Variants in KCNMB4 observed in about 807,000 individuals in gnomAD.
KCNMB4 encodes potassium calcium-activated channel subfamily M regulatory beta subunit 4.
A neutral mutation model predicts 20.7 loss-of-function variants in KCNMB4; 3 were observed. The observed-to-expected ratio is 0.14, with a 90% CI of 0.07 to 0.37. KCNMB4 has a LOEUF of 0.37. Among genes scored for constraint, KCNMB4 ranks in the 10% least tolerant of loss-of-function variants. The pLI is 1.00. For missense variants in KCNMB4, 168 were observed against 265.9 expected (o/e 0.63, Z 2.56); for synonymous variants, 110 against 113.4 (o/e 0.97, Z 0.19).
intron 1 of KCNMB4, among the ~76,000 whole-genome samples, chr12:70,387,398 ATTTTTTT>A (rs200125786): frequency 1.6e-5 from 2 of 123,988 alleles, no homozygotes; most frequent in Non-Finnish European, 3.3e-5. Context: ...AAATTTTTTA[ATTTTTTT>A]TTTTTTTTTT....
intron 2 of KCNMB4, 26 bp from the exon 3 acceptor site, chr12:70,430,459 C>G (rs767129392): frequency 2.5e-6 from 4 of 1,611,058 alleles, no homozygotes; most frequent in Admixed American, 1.7e-5. Context: ...ACTGCCCTTT[C>G]TTTCTTATTC....
At chr12:70,393,459 C>T (rs1040701245) in intron 1 of KCNMB4, among the ~76,000 whole-genome samples, 2 of 152,106 alleles carry the variant, frequency 1.3e-5, no homozygotes, top group Non-Finnish European at 1.5e-5. Flanking sequence ...CCTTGGCCCC[C>T]CAAAGTGCTG....
chr12:70,422,069 C>T (rs2136141716), intron 2 of KCNMB4, among the ~76,000 whole-genome samples: 1 of 152,108 alleles, frequency 6.6e-6, no homozygotes, highest in East Asian at 1.9e-4. Flanking sequence ...TTCATCTCTC[C>T]CATACGAATT....
rs145112378 is a variant in KCNMB4 at position 70,374,443 on chromosome 12, T to C, written c.336+7373T>C. 2.4e-3 allele frequency among the ~76,000 whole-genome samples: 364 copies of C among 152,342 alleles called. 2 individuals are homozygous for C. Among genetic ancestry groups the C allele is most frequent in the African/African-American group, 8.6e-3 (358 of 41,580 alleles). ...ACTCACAGTAAAATACTGAACAGAA[T>C]AGTTTTTAACATTGCATATGTTTCC... On this transcript the variant is annotated intron_variant, in intron 1 of 2. Transcript: ENST00000258111.
intron 1 of KCNMB4, among the ~76,000 whole-genome samples, chr12:70,372,733 AATT>A (rs1883619700): frequency 6.6e-6 from 1 of 152,208 alleles, no homozygotes; most frequent in Non-Finnish European, 1.5e-5. Flanking sequence ...TCCTCAAGGA[AATT>A]ATTACCTAGC....
intron 1 of KCNMB4, among the ~76,000 whole-genome samples, chr12:70,397,734 A>G (rs531268243): frequency 2.7e-4 from 41 of 152,328 alleles, no homozygotes; most frequent in African/African-American, 9.4e-4. Flanking sequence ...CAAAAAACTA[A>G]ATAGCAAAGA....
At chr12:70,427,143 A>G (rs1366508771) in intron 2 of KCNMB4, among the ~76,000 whole-genome samples, 5 of 152,218 alleles carry the variant, frequency 3.3e-5, no homozygotes, top group East Asian at 1.9e-4. Context: ...TTATAAAGAA[A>G]TTGTAGTTCA....
At chr12:70,374,536 T>C (rs1402560169) in intron 1 of KCNMB4, among the ~76,000 whole-genome samples, 1 of 152,218 alleles carries the variant, frequency 6.6e-6, no homozygotes, top group Non-Finnish European at 1.5e-5. Flanking sequence ...AAAATTGTAC[T>C]TGTGAGTTGT....
intron 2 of KCNMB4, among the ~76,000 whole-genome samples, chr12:70,428,457 A>T (rs1006616249): frequency 1.3e-5 from 2 of 152,230 alleles, no homozygotes; most frequent in African/African-American, 2.4e-5. Context: ...GCAACCTGAG[A>T]GACAGCTTTT....
chr12:70,400,128 A>T, intron 1 of KCNMB4, 81 bp from the exon 2 acceptor site: 1 of 1,093,144 alleles, frequency 9.1e-7, no homozygotes, highest in Non-Finnish European at 1.3e-6. Context: ...TGTCTTTATA[A>T]TGCCATCTTT....
At chr12:70,423,505 T>C (rs1315983651) in intron 2 of KCNMB4, among the ~76,000 whole-genome samples, 2 of 152,060 alleles carry the variant, frequency 1.3e-5, no homozygotes, top group Non-Finnish European at 2.9e-5. Context: ...TCTCAGTCTG[T>C]CGCCCAGGCT....
chr12:70,367,031 G>A lies in KCNMB4; in HGVS notation c.297G>A (p.Leu99=). ...VNNSESNSRA[L]LHSDEHQLLT... is the part of the protein sequence containing the mutation. ...ACTCTGAGTCCAACTCTAGGGCGCTGCTGCACAGCGACGAGCACCAGCTCC... is the reference window on the plus strand; with the variant it reads ...ACTCTGAGTCCAACTCTAGGGCGCTACTGCACAGCGACGAGCACCAGCTCC... The change falls in exon 1 of 3, where the codon CTG becomes CTA. Residue 99 remains leucine, a synonymous_variant. Coordinates refer to ENST00000258111, the MANE Select transcript of KCNMB4 (RefSeq NM_014505.6). 1 of 1,569,052 alleles carries A rather than the reference G, an allele frequency of 6.4e-7. No homozygotes were observed. Among genetic ancestry groups the A allele is most frequent in the Non-Finnish European group, 8.7e-7 (1 of 1,151,966 alleles).
At chr12:70,420,188 T>C (rs1036438487) in intron 2 of KCNMB4, among the ~76,000 whole-genome samples, 2 of 152,222 alleles carry the variant, frequency 1.3e-5, no homozygotes, top group Admixed American at 1.3e-4. Flanking sequence ...AGGAACTGAT[T>C]ACAGTATAGG....
Position 70,431,968 on chromosome 12 carries a change from A to G in KCNMB4, c.*1315A>G, listed in dbSNP as rs1216788917. ...CCTCAGTTATTTCCATGGAGCTGTAATATGTATATATGGAGTGATGGTTTC... is the reference window on the plus strand; with the variant it reads ...CCTCAGTTATTTCCATGGAGCTGTAGTATGTATATATGGAGTGATGGTTTC... On this transcript the variant is annotated 3_prime_UTR_variant, in exon 3 of 3. Transcript: ENST00000258111. The G allele has an allele frequency of 1.3e-5, 2 of 152,102 alleles. No individual in the cohort carries two copies. The highest frequency in any genetic ancestry group is 2.9e-5 in the Non-Finnish European group (2 of 68,032). 9.4% of individuals were successfully genotyped at this position (152,102 alleles called of 1,614,324 possible).
intron 2 of KCNMB4, among the ~76,000 whole-genome samples, chr12:70,429,174 T>C (rs1432504264): frequency 6.6e-6 from 1 of 152,120 alleles, no homozygotes; most frequent in African/African-American, 2.4e-5. Context: ...TAATGAGTGA[T>C]TTTCAGGAAT....
At chr12:70,418,701 A>G (rs1158659784) in intron 2 of KCNMB4, among the ~76,000 whole-genome samples, 1 of 152,102 alleles carries the variant, frequency 6.6e-6, no homozygotes, top group African/African-American at 2.4e-5. Flanking sequence ...TAAATGCCAT[A>G]TTTCATCTGT....
chr12:70,398,785 G>A (rs1868383629), intron 1 of KCNMB4, among the ~76,000 whole-genome samples: 1 of 152,132 alleles, frequency 6.6e-6, no homozygotes, highest in African/African-American at 2.4e-5. Context: ...ACAGAAAACA[G>A]GTCTTGTTCT....
intron 1 of KCNMB4, among the ~76,000 whole-genome samples, chr12:70,385,302 A>C (rs1868248979): frequency 1.3e-5 from 2 of 152,202 alleles, no homozygotes; most frequent in Non-Finnish European, 2.9e-5. Context: ...TCTGGAGGAC[A>C]TCACACAGTG....
At chr12:70,393,808 T>G (rs2136126260) in intron 1 of KCNMB4, among the ~76,000 whole-genome samples, 1 of 144,020 alleles carries the variant, frequency 6.9e-6, no homozygotes, top group African/African-American at 2.7e-5. Context: ...TTGGGCATTT[T>G]CCAACGCCAT....
Sources: allele counts gnomAD v4.1 joint callset (sites outside exome capture counted in the v4.1 genomes callset), GRCh38; gene constraint gnomAD v4.1.1; transcripts MANE v1.5; gene names NCBI Gene and HGNC (gene_info 2026-07-23, HGNC 2026-07-21).